NELL1: variants seen among roughly 807,000 people sequenced by gnomAD.
NELL1 encodes neural EGFL like 1.
NELL1 carries 76 observed loss-of-function variants against 107.4 expected under a neutral mutation model. That is an observed-to-expected ratio of 0.71 (90% CI 0.59 to 0.86). NELL1 has a LOEUF of 0.86. Ranked by LOEUF, NELL1 falls within the 40% of genes least tolerant of loss-of-function variation. The pLI is 0.00. For synonymous variants in NELL1, 353 were observed against 341.2 expected (o/e 1.03, Z -0.38); for missense variants, 1,024 against 1,005.5 (o/e 1.02, Z -0.25).
intron 13 of NELL1, among the ~76,000 whole-genome samples, chr11:21,140,747 A>T (rs1855847958): frequency 6.6e-6 from 1 of 152,158 alleles, no homozygotes; most frequent in South Asian, 2.1e-4. Context: ...TTTATAGAAA[A>T]CCTTTCTTCA....
At chr11:21,179,217 A>G (rs1856774379) in intron 13 of NELL1, among the ~76,000 whole-genome samples, 2 of 152,026 alleles carry the variant, frequency 1.3e-5, no homozygotes, top group Admixed American at 6.5e-5. Flanking sequence ...AACATAAAAT[A>G]TTTTGAATAG....
chr11:20,992,409 A>G (rs1851995520), intron 12 of NELL1, among the ~76,000 whole-genome samples: 2 of 152,150 alleles, frequency 1.3e-5, no homozygotes, highest in South Asian at 2.1e-4. Flanking sequence ...TTTCAATTTT[A>G]GCTTGTGGAA....
chr11:21,404,008 C>CT (rs1012109998), intron 15 of NELL1, among the ~76,000 whole-genome samples: 1 of 99,550 alleles, frequency 1.0e-5, no homozygotes, highest in Non-Finnish European at 2.2e-5. Context: ...TTCCTGAACC[C>CT]CCCCCCCCGC....
At chr11:20,905,381 C>CAAAG (rs1024287853) in intron 5 of NELL1, among the ~76,000 whole-genome samples, 3 of 151,904 alleles carry the variant, frequency 2.0e-5, no homozygotes, top group African/African-American at 7.3e-5. Flanking sequence ...CACAGGCAAA[C>CAAAG]AAAGAAAGAG....
At chr11:21,036,585 T>C (rs1853098188) in intron 12 of NELL1, among the ~76,000 whole-genome samples, 1 of 152,178 alleles carries the variant, frequency 6.6e-6, no homozygotes, top group South Asian at 2.1e-4. Flanking sequence ...ACTTGCATTC[T>C]GCCTTTGAAG....
At chr11:20,694,908 T>G (rs1015332118) in intron 2 of NELL1, among the ~76,000 whole-genome samples, 1 of 152,124 alleles carries the variant, frequency 6.6e-6, no homozygotes, top group African/African-American at 2.4e-5. Flanking sequence ...ATGATAGTGA[T>G]TCTTCTAATC....
intron 12 of NELL1, among the ~76,000 whole-genome samples, chr11:20,989,996 C>CAAAAA (rs35612589): frequency 1.7e-5 from 2 of 114,922 alleles, no homozygotes; most frequent in African/African-American, 6.4e-5. Context: ...GACTCCGTCT[C>CAAAAA]AAAAAAAAAA....
intron 2 of NELL1, among the ~76,000 whole-genome samples, chr11:20,702,147 A>G (rs1225481781): frequency 6.6e-6 from 1 of 152,080 alleles, no homozygotes; most frequent in African/African-American, 2.4e-5. Context: ...ATGAGCATGG[A>G]ATGTTCTTCC....
intron 2 of NELL1, among the ~76,000 whole-genome samples, chr11:20,698,959 G>A (rs192909797): frequency 1.3e-5 from 2 of 152,272 alleles, no homozygotes; most frequent in African/African-American, 2.4e-5. Flanking sequence ...GCTCATGCCT[G>A]TAATCCCAGT....
chr11:21,383,678 T>C (rs1027088834), intron 15 of NELL1: 1 of 148,718 alleles, frequency 6.7e-6, no homozygotes, highest in South Asian at 2.1e-4. Context: ...TATATATATA[T>C]ATAAATATAT....
intron 4 of NELL1, among the ~76,000 whole-genome samples, chr11:20,865,108 A>G (rs746285521): frequency 3.3e-5 from 5 of 152,226 alleles, no homozygotes; most frequent in Non-Finnish European, 7.3e-5. Flanking sequence ...AGTTAGAGCT[A>G]TGCAGCAGTG....
chr11:20,680,653 T>C (rs1161413820), intron 2 of NELL1, among the ~76,000 whole-genome samples: 1 of 152,108 alleles, frequency 6.6e-6, no homozygotes, highest in East Asian at 1.9e-4. Context: ...CAGTGCAAAC[T>C]CCGTTGGGTT....
intron 12 of NELL1, among the ~76,000 whole-genome samples, chr11:21,060,700 T>C (rs1432676342): frequency 1.3e-5 from 2 of 152,102 alleles, no homozygotes; most frequent in African/African-American, 4.8e-5. Context: ...TGTTTTTGTT[T>C]TTGATTTCGT....
intron 12 of NELL1, among the ~76,000 whole-genome samples, chr11:21,047,451 C>T (rs1380829721): frequency 6.6e-6 from 1 of 152,040 alleles, no homozygotes; most frequent in East Asian, 1.9e-4. Context: ...TAATAAATGA[C>T]TTCTTGATGT....
chr11:21,289,254 G>C (rs1849196973), intron 14 of NELL1, among the ~76,000 whole-genome samples: 1 of 152,162 alleles, frequency 6.6e-6, no homozygotes. Context: ...CCAGTGTGTG[G>C]CTCCCAGCAA....
chr11:21,481,004 A>G (rs1455981067), intron 15 of NELL1, among the ~76,000 whole-genome samples: 1 of 152,098 alleles, frequency 6.6e-6, no homozygotes, highest in East Asian at 1.9e-4. Flanking sequence ...TAGTCACTTT[A>G]CCTCAGTTTA....
intron 14 of NELL1, among the ~76,000 whole-genome samples, chr11:21,362,690 G>C (rs1461615617): frequency 6.6e-6 from 1 of 152,290 alleles, no homozygotes; most frequent in African/African-American, 2.4e-5. Flanking sequence ...CTTGCCCTAA[G>C]ATGGCCAGGG....
chr11:21,404,005 AC>A (rs71034518), intron 15 of NELL1, among the ~76,000 whole-genome samples: 1,706 of 50,932 alleles, frequency 0.033, 75 homozygotes, highest in South Asian at 0.13. Flanking sequence ...TCATTCCTGA[AC>A]CCCCCCCCCC....
intron 16 of NELL1, among the ~76,000 whole-genome samples, chr11:21,557,639 C>A (rs1591034541): frequency 6.6e-6 from 1 of 151,898 alleles, no homozygotes; most frequent in Non-Finnish European, 1.5e-5. Flanking sequence ...CAGGGCATTG[C>A]CCCTTCTTCA....
Sources: gnomAD v4.1 joint callset for allele counts (sites outside exome capture counted in the v4.1 genomes callset) on GRCh38, gnomAD v4.1.1 for gene constraint, MANE v1.5 for transcripts, NCBI Gene and HGNC (gene_info 2026-07-23, HGNC 2026-07-21) for gene names.